The following AQP3 variants were observed in gnomAD, a reference collection of about 807,000 sequenced individuals.
AQP3 encodes the protein aquaporin-3.
In AQP3, 15 loss-of-function variants were observed where a neutral mutation model predicts 30.3. The ratio of observed to expected loss-of-function variants is 0.49; its 90% CI spans 0.33 to 0.76. The LOEUF (loss-of-function observed/expected upper bound fraction) is 0.76, where lower values mean the gene tolerates loss of function less well. Ranked by LOEUF, AQP3 falls within the 30% of genes least tolerant of loss-of-function variation. The pLI is 0.02. For missense variants in AQP3, 272 were observed against 384.8 expected (o/e 0.71, Z 2.45); for synonymous variants, 153 against 163.2 (o/e 0.94, Z 0.47).
At position 33,442,346 on chromosome 9, in the gene AQP3, G is replaced by C. The variant is rs745787916; in HGVS notation, c.665C>G (p.Pro222Arg). 1 of 1,612,940 alleles carries C rather than the reference G, an allele frequency of 6.2e-7. No individual in the cohort carries two copies. The highest frequency in any genetic ancestry group is 1.1e-5 in the South Asian group (1 of 90,852). Residue 222 changes from proline (P) to arginine (R), a missense_variant, in exon 5 of 6, where the codon CCC (proline) becomes CGC (arginine). Around this residue, in one of 3 missense-constraint regions of AQP3, gnomAD observed 170 missense variants for 286.4 expected, o/e 0.59. Coordinates refer to ENST00000297991, the MANE Select transcript of AQP3 (RefSeq NM_004925.5). ...YAVNPARDFG[P>R]RLFTALAGWG... The stretch of plus-strand genomic sequence containing the variant: ...GCCCGCAAGGGCTGTAAAAAGGCGG[G>C]GGCCAAAGTCCCGGGCAGGGTTGAC...
Position 33,447,469 on chromosome 9 carries a change from A to G in AQP3, c.62T>C (p.Leu21Pro), listed in dbSNP as rs1332036044. ...GCACTCGGCCAGCGCCTGTCGGAGC[A>G]GCCGGTAGCGGATGTGGAGCATCTC... ...CGEMLHIRYR[L>P]LRQALAECLG... The change falls in exon 1 of 6, where the codon CTG becomes CCG. Residue 21 changes from leucine (L) to proline (P), a missense_variant. This residue lies in a region of AQP3 where 51 missense variants were observed against 46.5 expected (regional missense o/e 1.10). Coordinates refer to ENST00000297991, the MANE Select transcript of AQP3 (RefSeq NM_004925.5). The G allele has an allele frequency of 5.6e-6, 9 of 1,610,324 alleles. No homozygotes were observed. The highest frequency in any genetic ancestry group is 7.6e-6 in the Non-Finnish European group (9 of 1,178,872).
In AQP3 at chr9:33,443,611, G is replaced by A. The variant is rs925183250; in HGVS notation, c.236-153C>T. The stretch of plus-strand genomic sequence containing the variant: ...CTGATAATCTCTGATTCCAAGGTGA[G>A]AGTCGAAAGTTCTAAGTGTCAAGTT... On this transcript the variant is annotated intron_variant, in intron 2 of 5. Transcript: ENST00000297991. The surrounding 1 kb of genome is among the most constrained non-coding windows in gnomAD (Gnocchi z 5.0). 1 of 1,456,278 alleles carries A rather than the reference G, an allele frequency of 6.9e-7. No homozygotes were observed. The highest frequency in any genetic ancestry group is 2.4e-5 in the East Asian group (1 of 41,608). 90.2% of individuals were successfully genotyped at this position (1,456,278 alleles called of 1,614,324 possible).
At chr9:33,445,225 C>T (rs903237341) in intron 1 of AQP3, among the ~76,000 whole-genome samples, 3 of 152,264 alleles carry the variant, frequency 2.0e-5, no homozygotes, top group African/African-American at 7.2e-5. Context: ...TGCCCTGAGC[C>T]CCCTGAGTGT....
chr9:33,441,788 TC>T lies in AQP3; in HGVS notation c.*254del. On this transcript the variant is annotated 3_prime_UTR_variant, in exon 6 of 6. Transcript: ENST00000297991. ...ACACACACATACCTGCTGCCCATTC[TC>T]TTCCCTTGGGAGACAAAAGGATGTA... The T allele has an allele frequency of 1.7e-6, 1 of 605,572 alleles. No homozygotes were observed. The allele number at this position is 605,572 out of a possible 1,614,324, so 37.5% of individuals were successfully genotyped here. A position where few individuals can be genotyped will look rare whatever the true frequency, so the allele number is the denominator to read the frequency against.
chr9:33,446,813 G>A (rs190674819), intron 1 of AQP3, among the ~76,000 whole-genome samples: 1 of 152,104 alleles, frequency 6.6e-6, no homozygotes, highest in Non-Finnish European at 1.5e-5. Flanking sequence ...CTTTAGACAC[G>A]CGTCCTCTGT....
intron 1 of AQP3, among the ~76,000 whole-genome samples, chr9:33,446,088 G>C (rs555828713): frequency 3.2e-4 from 48 of 152,264 alleles, no homozygotes; most frequent in African/African-American, 1.1e-3. Flanking sequence ...GAAAATAGAA[G>C]ACATCATCCT....
chr9:33,443,609 G>A lies in AQP3; in HGVS notation c.236-151C>T. ...AGCTGATAATCTCTGATTCCAAGGTGAGAGTCGAAAGTTCTAAGTGTCAAG... is the reference window on the plus strand; with the variant it reads ...AGCTGATAATCTCTGATTCCAAGGTAAGAGTCGAAAGTTCTAAGTGTCAAG... On this transcript the variant is annotated intron_variant, in intron 2 of 5. Transcript: ENST00000297991. This position sits in a 1 kb window ranked among gnomAD's most constrained non-coding sequence, Gnocchi z 5.0. 1 of 1,457,562 alleles carries A rather than the reference G, an allele frequency of 6.9e-7. No individual in the cohort carries two copies. The highest frequency in any genetic ancestry group is 2.4e-5 in the East Asian group (1 of 41,542). 90.3% of individuals were successfully genotyped at this position (1,457,562 alleles called of 1,614,324 possible).
At position 33,441,680 on chromosome 9, in the gene AQP3, G is replaced by T; in HGVS notation, c.*363C>A. On this transcript the variant is annotated 3_prime_UTR_variant, in exon 6 of 6. Transcript: ENST00000297991. ...CAATAGCCAGAATCCCTTCCGACTG[G>T]TCCCTTGCCCTGAATATCTGGGAAC... is the stretch of plus-strand genomic sequence containing the variant. 2.4e-6 allele frequency: 1 copy of T among 417,740 alleles called. No individual in the cohort carries two copies. The highest frequency in any genetic ancestry group is 4.2e-6 in the Non-Finnish European group (1 of 239,190). The allele number at this position is 417,740 out of a possible 1,614,324, so 25.9% of individuals were successfully genotyped here.
chr9:33,442,738 C>G, intron 4 of AQP3, 114 bp downstream of exon 4: 14 of 1,186,204 alleles, frequency 1.2e-5, no homozygotes, highest in Non-Finnish European at 1.6e-5. Context: ...GGTTACCCCA[C>G]AGATTGGAGA....
intron 1 of AQP3, among the ~76,000 whole-genome samples, chr9:33,444,681 A>AG (rs1327961428): frequency 1.3e-5 from 2 of 151,504 alleles, no homozygotes; most frequent in Non-Finnish European, 2.9e-5. Flanking sequence ...ATAAATAGGG[A>AG]GGAGACCAGA....
rs917283687 is a variant in AQP3, at chr9:33,443,596, C to T, written c.236-138G>A. 24 of 1,451,454 alleles carry T rather than the reference C, an allele frequency of 1.7e-5. No homozygotes were observed. The highest frequency in any genetic ancestry group is 2.3e-4 in the Middle Eastern group (1 of 4,376). The allele number at this position is 1,451,454 out of a possible 1,614,324, so 89.9% of individuals were successfully genotyped here. ...TATGTAACAGGTCAGCTGATAATCT[C>T]TGATTCCAAGGTGAGAGTCGAAAGT... is the stretch of plus-strand genomic sequence containing the variant. On this transcript the variant is annotated intron_variant, in intron 2 of 5. Coordinates refer to ENST00000297991, the MANE Select transcript of AQP3 (RefSeq NM_004925.5). The surrounding 1 kb of genome is among the most constrained non-coding windows in gnomAD (Gnocchi z 5.0).
At chr9:33,446,201 C>T (rs1271472030) in intron 1 of AQP3, among the ~76,000 whole-genome samples, 2 of 152,202 alleles carry the variant, frequency 1.3e-5, no homozygotes, top group African/African-American at 4.8e-5. Flanking sequence ...CTATTGCCTT[C>T]TTGGCACAGG....
Position 33,443,366 on chromosome 9 carries a change from G to C in AQP3, c.328C>G (p.Leu110Val). The C allele has an allele frequency of 6.3e-7, 1 of 1,597,562 alleles. No individual in the cohort carries two copies. Among genetic ancestry groups the C allele is most frequent in the Non-Finnish European group, 8.5e-7 (1 of 1,172,184 alleles). Reference sequence around the variant, plus strand: ...ATTCCAGCACCCAAGAAGGCTCCCAGCGTCTGTGCCAGGGTGTAGATGGGC... The same window carrying C: ...ATTCCAGCACCCAAGAAGGCTCCCACCGTCTGTGCCAGGGTGTAGATGGGC... ...KLPIYTLAQTLGAFLGAGIVF... is the reference protein window; with the variant it reads ...KLPIYTLAQTVGAFLGAGIVF... Residue 110 changes from leucine (L) to valine (V), a missense_variant, in exon 3 of 6, where the codon CTG becomes GTG. By Grantham distance (32) the Leu-to-Val change is conservative (BLOSUM62 1). This residue lies in a region of AQP3 where 170 missense variants were observed against 286.4 expected (regional missense o/e 0.59). Transcript: ENST00000297991. This position sits in a 1 kb window ranked among gnomAD's most constrained non-coding sequence, Gnocchi z 5.0.
chr9:33,442,172 T>TG lies in AQP3; in HGVS notation c.749dup (p.Leu251ThrfsTer61). 6.2e-7 allele frequency: 1 copy of TG among 1,611,080 alleles called. No homozygotes were observed. Among genetic ancestry groups the TG allele is most frequent in the East Asian group, 2.2e-5 (1 of 44,786 alleles). The stretch of plus-strand genomic sequence containing the variant: ...AGACACCCGCAATGGAGCCCAGGAG[T>TG]GGGGACACGATGGGCACCCACCACC... On this transcript the variant is annotated frameshift_variant, in exon 6 of 6. Coordinates refer to ENST00000297991, the MANE Select transcript of AQP3 (RefSeq NM_004925.5). LOFTEE classifies it high-confidence loss of function.
Position 33,443,120 on chromosome 9 carries a change from G to A in AQP3, c.374-150C>T. The A allele has an allele frequency of 9.5e-7, 1 of 1,047,554 alleles. No individual in the cohort carries two copies. Among genetic ancestry groups the A allele is most frequent in the Non-Finnish European group, 1.4e-6 (1 of 697,632 alleles). 64.9% of individuals were successfully genotyped at this position (1,047,554 alleles called of 1,614,324 possible). A position where few individuals can be genotyped will look rare whatever the true frequency, so the allele number is the denominator to read the frequency against. ...GGCAGAGGGGGTGGCGTGGGGTGGG[G>A]TGGAGGGCCTGAGACTCTGTTATTG... is the stretch of plus-strand genomic sequence containing the variant. On this transcript the variant is annotated intron_variant, in intron 3 of 5. Coordinates refer to ENST00000297991, the MANE Select transcript of AQP3 (RefSeq NM_004925.5). The surrounding 1 kb of genome is among the most constrained non-coding windows in gnomAD (Gnocchi z 5.0).
intron 1 of AQP3, 149 bp from the exon 2 acceptor site, chr9:33,444,041 T>C: frequency 9.6e-7 from 1 of 1,037,348 alleles, no homozygotes; most frequent in Non-Finnish European, 1.4e-6. Context: ...TCTGCTGTAA[T>C]TGCACTTTCC....
rs202066241 is a variant in AQP3 at position 33,441,711 on chromosome 9, C to A, written c.*332G>T. 963 of 418,320 alleles carry A rather than the reference C, an allele frequency of 2.3e-3. 4 individuals are homozygous for A. The highest frequency in any genetic ancestry group is 6.7e-3 in the African/African-American group (328 of 49,144). 25.9% of individuals were successfully genotyped at this position (418,320 alleles called of 1,614,324 possible). The stretch of plus-strand genomic sequence containing the variant: ...TGCCCTGAATATCTGGGAACCCCCC[C>A]CACACACACACACCCCTGCACACAC... On this transcript the variant is annotated 3_prime_UTR_variant, in exon 6 of 6. Coordinates refer to ENST00000297991, the MANE Select transcript of AQP3 (RefSeq NM_004925.5).
Position 33,443,082 on chromosome 9 carries a change from C to T in AQP3, c.374-112G>A, listed in dbSNP as rs1826863900. 7 of 1,120,530 alleles carry T rather than the reference C, an allele frequency of 6.2e-6. No individual in the cohort carries two copies. In the South Asian group the frequency reaches 7.7e-5, roughly 12 times the overall value. The allele number at this position is 1,120,530 out of a possible 1,614,324, so 69.4% of individuals were successfully genotyped here. A position where few individuals can be genotyped will look rare whatever the true frequency, so the allele number is the denominator to read the frequency against. ...GAGTTATGGGTAAGTAGCAATACTG[C>T]TGTATTGCAGCAGGCAGAGGGGGTG... On this transcript the variant is annotated intron_variant, in intron 3 of 5. Coordinates refer to ENST00000297991, the MANE Select transcript of AQP3 (RefSeq NM_004925.5). This position sits in a 1 kb window ranked among gnomAD's most constrained non-coding sequence, Gnocchi z 5.0.
chr9:33,442,917 T>C lies in AQP3; in HGVS notation c.427A>G (p.Thr143Ala). The change falls in exon 4 of 6, where the codon ACA becomes GCA. Residue 143 changes from threonine to alanine, a missense_variant. Physicochemically the swap from Thr to Ala is moderately conservative, Grantham distance 58. Transcript: ENST00000297991. ...GGGTAGGTAGCAAAGATGCCGGCTG[T>C]GCCATTGGGGCCCGAAACAAAAAGC... ...NQLFVSGPNG[T>A]AGIFATYPSG... 1 of 1,614,198 alleles carries C rather than the reference T, an allele frequency of 6.2e-7. No individual in the cohort carries two copies.
Sources: allele counts gnomAD v4.1 joint callset (sites outside exome capture counted in the v4.1 genomes callset), GRCh38; gene constraint gnomAD v4.1.1; regional missense constraint gnomAD v4.1.1; non-coding constraint Gnocchi (gnomAD v3.1); transcripts MANE v1.5; gene names NCBI Gene and HGNC (gene_info 2026-07-23, HGNC 2026-07-21).